CSMD2: variants seen among roughly 807,000 people sequenced by gnomAD.
CSMD2 encodes CUB and Sushi multiple domains 2, also known as CUB and sushi domain-containing protein 2.
A neutral mutation model predicts 398.5 loss-of-function variants in CSMD2; 130 were observed. The observed-to-expected ratio is 0.33, with a 90% confidence interval of 0.28 to 0.38. The LOEUF is 0.38. CSMD2 is among the 10% of genes least tolerant of loss of function. The pLI is 1.00. For missense variants in CSMD2, 3,829 were observed against 4,764.9 expected (o/e 0.80, Z 5.78); for synonymous variants, 1,828 against 1,908.5 (o/e 0.96, Z 1.10).
At position 33,714,770 on chromosome 1, in the gene CSMD2, C is replaced by T. The variant is rs754391035; in HGVS notation, c.3223G>A (p.Asp1075Asn). 16 of 1,613,808 alleles carry T rather than the reference C, an allele frequency of 9.9e-6. No individual in the cohort carries two copies. Among genetic ancestry groups the T allele is most frequent in the South Asian group, 5.5e-5 (5 of 91,066 alleles). The change falls in exon 21 of 71, where the codon GAC (aspartate) becomes AAC (asparagine). Residue 1075 changes from aspartate to asparagine, a missense_variant. This residue lies in a region of CSMD2 where 2,001 missense variants were observed against 2,567.1 expected (regional missense o/e 0.78). Transcript: ENST00000373381. ...TCGGGCTCCTCACAGGGCTCCAAGT[C>T]GTACTCTGGAAAGGTAGCAGGAGAT... Reference protein sequence around the residue: ...EGFNITFSEYDLEPCEEPEVP... With the variant: ...EGFNITFSEYNLEPCEEPEVP...
chr1:34,097,016 A>G (rs1407884555), intron 1 of CSMD2, among the ~76,000 whole-genome samples: 1 of 148,676 alleles, frequency 6.7e-6, no homozygotes, highest in East Asian at 2.0e-4. Context: ...AAACTATACC[A>G]CAAGGCTACA....
chr1:33,646,837 T>C lies in CSMD2; in HGVS notation c.4587-2A>G. The C allele has an allele frequency of 6.2e-7, 1 of 1,607,224 alleles. No individual in the cohort carries two copies. Among genetic ancestry groups the C allele is most frequent in the Non-Finnish European group, 8.5e-7 (1 of 1,176,280 alleles). On this transcript the variant is annotated splice_acceptor_variant, in intron 28 of 70. Coordinates refer to ENST00000373381, the MANE Select transcript of CSMD2 (RefSeq NM_001281956.2). LOFTEE classifies it high-confidence loss of function. ...TCATAGCCAGGCTCCAGGTTAAAGC[T>C]GGGGAACAAAAACATCCCACCCCCA...
chr1:33,581,897 C>G (rs1035236885), intron 47 of CSMD2, among the ~76,000 whole-genome samples: 1 of 152,032 alleles, frequency 6.6e-6, no homozygotes, highest in Non-Finnish European at 1.5e-5. Flanking sequence ...TCATATTAAA[C>G]AAAGTAGAGT....
chr1:33,999,257 G>A (rs1355978952), intron 3 of CSMD2, among the ~76,000 whole-genome samples: 2 of 152,196 alleles, frequency 1.3e-5, no homozygotes, highest in African/African-American at 4.8e-5. Flanking sequence ...GGAGAGGACG[G>A]GCAGTGGGAA....
intron 52 of CSMD2, among the ~76,000 whole-genome samples, chr1:33,568,353 A>G (rs1366587763): frequency 1.3e-5 from 2 of 152,042 alleles, no homozygotes; most frequent in African/African-American, 4.8e-5. Context: ...ATACCCAGCT[A>G]ATTTTTGTAT....
intron 4 of CSMD2, among the ~76,000 whole-genome samples, chr1:33,934,401 G>A (rs1024675677): frequency 6.6e-6 from 1 of 152,194 alleles, no homozygotes; most frequent in African/African-American, 2.4e-5. Context: ...GAGGGCAAAG[G>A]CCAGTCTGCA....
At chr1:33,817,779 C>T (rs984999570) in intron 9 of CSMD2, among the ~76,000 whole-genome samples, 1 of 152,200 alleles carries the variant, frequency 6.6e-6, no homozygotes, top group African/African-American at 2.4e-5. Flanking sequence ...AAAAGAGATT[C>T]AGAGAGGTGA....
chr1:33,968,788 T>TG (rs1408217091), intron 3 of CSMD2, among the ~76,000 whole-genome samples: 1 of 152,210 alleles, frequency 6.6e-6, no homozygotes, highest in African/African-American at 2.4e-5. Flanking sequence ...AGAATGTACA[T>TG]GTGTTATTTT....
chr1:34,087,646 AT>A (rs1658050843), intron 2 of CSMD2, among the ~76,000 whole-genome samples: 1 of 135,532 alleles, frequency 7.4e-6, no homozygotes, highest in Non-Finnish European at 1.6e-5. Context: ...AATAATAATA[AT>A]AATAATAATA....
In CSMD2 at chr1:33,557,823, C is replaced by T. The variant is rs144356333; in HGVS notation, c.8654G>A (p.Arg2885Gln). 2.7e-4 allele frequency: 411 copies of T among 1,536,020 alleles called. 1 individual carries two copies. In the African/African-American group the frequency reaches 4.4e-3, roughly 16 times the overall value. The change falls in exon 55 of 71, where the codon CGG becomes CAG. Residue 2885 changes from arginine to glutamine, a missense_variant. This residue lies in a region of CSMD2 where 917 missense variants were observed against 1,199.5 expected (regional missense o/e 0.76). Transcript: ENST00000373381. ...CAGGAGGTAGAAGCCGTGGTTGCACCGGTAAGACACAGTGGTGCCGAAGCT... is the reference window on the plus strand; with the variant it reads ...CAGGAGGTAGAAGCCGTGGTTGCACTGGTAAGACACAGTGGTGCCGAAGCT... ...RFSFGTTVSY[R>Q]CNHGFYLLGT... is the part of the protein sequence containing the mutation.
chr1:33,522,120 AC>A (rs1263779152), intron 67 of CSMD2, among the ~76,000 whole-genome samples: 3 of 152,002 alleles, frequency 2.0e-5, no homozygotes, highest in Non-Finnish European at 4.4e-5. Context: ...ACAGATGCAG[AC>A]CCCCAAATGT....
chr1:33,600,915 T>C lies in CSMD2; in HGVS notation c.6806A>G (p.Lys2269Arg). 6.2e-7 allele frequency: 1 copy of C among 1,614,156 alleles called. No individual in the cohort carries two copies. The highest frequency in any genetic ancestry group is 2.2e-5 in the East Asian group (1 of 44,874). ...CCCTGTGGCTGCATCACGGTGGAAC[T>C]TGAGCAGGACCTGGTTGGATGAACT... ...VQSSSNQVLL[K>R]FHRDAATGGI... The change falls in exon 44 of 71, where the codon AAG becomes AGG. Residue 2269 changes from lysine to arginine, a missense_variant. Lys to Arg is a conservative substitution (Grantham distance 26, BLOSUM62 2). This residue lies in a region of CSMD2 where 723 missense variants were observed against 758.6 expected (regional missense o/e 0.95). Coordinates refer to ENST00000373381, the MANE Select transcript of CSMD2 (RefSeq NM_001281956.2).
intron 21 of CSMD2, among the ~76,000 whole-genome samples, chr1:33,709,849 A>C (rs1645926849): frequency 6.6e-6 from 1 of 152,030 alleles, no homozygotes; most frequent in Non-Finnish European, 1.5e-5. Context: ...CCAGGTACTC[A>C]ACCACTGAGA....
intron 5 of CSMD2, among the ~76,000 whole-genome samples, chr1:33,865,109 G>A (rs2125128177): frequency 6.6e-6 from 1 of 151,564 alleles, no homozygotes; most frequent in African/African-American, 2.4e-5. Context: ...GGAGGTAGAA[G>A]CACCGTGGTT....
chr1:33,635,201 C>A lies in CSMD2; in HGVS notation c.5086+13G>T. 2 of 1,555,570 alleles carry A rather than the reference C, an allele frequency of 1.3e-6. No homozygotes were observed. The highest frequency in any genetic ancestry group is 1.8e-6 in the Non-Finnish European group (2 of 1,128,694). On this transcript the variant is annotated intron_variant, in intron 31 of 70. Coordinates refer to ENST00000373381, the MANE Select transcript of CSMD2 (RefSeq NM_001281956.2). The surrounding 1 kb of genome is among the most constrained non-coding windows in gnomAD (Gnocchi z 5.0). ...TCAGAAAACATATGAACAACAACAA[C>A]CAAAACCCATACCATAGTCCTTGGG...
At chr1:33,915,793 A>T (rs1643689675) in intron 5 of CSMD2, among the ~76,000 whole-genome samples, 1 of 152,244 alleles carries the variant, frequency 6.6e-6, no homozygotes, top group South Asian at 2.1e-4. Flanking sequence ...ACAGTCTTAC[A>T]AGGGAATGCT....
chr1:33,759,324 C>CTTT (rs756784492), intron 13 of CSMD2, among the ~76,000 whole-genome samples: 5 of 124,784 alleles, frequency 4.0e-5, no homozygotes, highest in African/African-American at 9.2e-5. Context: ...CTTTTTTTTT[C>CTTT]TTTTTTTTTT....
intron 7 of CSMD2, among the ~76,000 whole-genome samples, chr1:33,824,194 CTG>C (rs771675729): frequency 1.3e-5 from 2 of 152,322 alleles, no homozygotes; most frequent in East Asian, 1.9e-4. Context: ...CCAGGGCAAA[CTG>C]TGAAATTAAA....
intron 2 of CSMD2, among the ~76,000 whole-genome samples, chr1:34,058,148 C>T (rs1032910541): frequency 3.3e-5 from 5 of 152,096 alleles, no homozygotes; most frequent in African/African-American, 1.2e-4. Flanking sequence ...GAAACAGGGT[C>T]CCAGGCTCCT....
Sources: allele counts gnomAD v4.1 joint callset (sites outside exome capture counted in the v4.1 genomes callset), GRCh38; gene constraint gnomAD v4.1.1; regional missense constraint gnomAD v4.1.1; non-coding constraint Gnocchi (gnomAD v3.1); transcripts MANE v1.5; gene names NCBI Gene and HGNC (gene_info 2026-07-23, HGNC 2026-07-21).